The following UCHL5 variants were observed in gnomAD, a reference collection of about 807,000 sequenced individuals.
The protein encoded by UCHL5 is ubiquitin carboxyl-terminal hydrolase isozyme L5.
A neutral mutation model predicts 53.8 loss-of-function variants in UCHL5; 34 were observed. The ratio of observed to expected loss-of-function variants is 0.63; its 90% confidence interval spans 0.48 to 0.84. The LOEUF (loss-of-function observed/expected upper bound fraction) is 0.84, where lower values mean the gene tolerates loss of function less well. UCHL5 is among the 40% of genes least tolerant of loss of function. The pLI, the probability that UCHL5 is intolerant of heterozygous loss-of-function variation, is 0.00. For missense variants in UCHL5, 290 were observed against 385.6 expected, an observed-to-expected ratio of 0.75 and a Z score of 2.08; for synonymous variants, 111 against 126.3, an observed-to-expected ratio of 0.88 and a Z score of 0.81.
At chr1:193,025,989 A>G (rs1315150223) in intron 7 of UCHL5, among the ~76,000 whole-genome samples, 4 of 151,930 alleles carry the variant, frequency 2.6e-5, no homozygotes, top group Non-Finnish European at 5.9e-5. Context: ...AAATAGACCC[A>G]CACCAATATG....
At chr1:193,035,983 C>T (rs1438552975) in intron 3 of UCHL5, among the ~76,000 whole-genome samples, 1 of 151,612 alleles carries the variant, frequency 6.6e-6, no homozygotes. Flanking sequence ...AATGCAAAAA[C>T]CTGTAATAGA....
chr1:193,056,119 T>A (rs1670554384), intron 1 of UCHL5, among the ~76,000 whole-genome samples: 1 of 152,204 alleles, frequency 6.6e-6, no homozygotes, highest in South Asian at 2.1e-4. Flanking sequence ...GTAATTTGTG[T>A]CTTTAAAGGA....
At chr1:193,052,057 T>C (rs546749246) in intron 1 of UCHL5, among the ~76,000 whole-genome samples, 1 of 152,120 alleles carries the variant, frequency 6.6e-6, no homozygotes, top group Non-Finnish European at 1.5e-5. Context: ...TCTATGACTG[T>C]TCCTTCTCTC....
intron 3 of UCHL5, among the ~76,000 whole-genome samples, chr1:193,033,043 T>C (rs949568723): frequency 2.6e-5 from 4 of 152,172 alleles, no homozygotes; most frequent in African/African-American, 7.2e-5. Context: ...ACCCAAAGGA[T>C]TTTAAATCAT....
chr1:193,016,536 A>G, intron 10 of UCHL5, 141 bp from the exon 11 acceptor site: 1 of 696,548 alleles, frequency 1.4e-6, no homozygotes, highest in South Asian at 2.6e-5. Flanking sequence ...ATTATGTTTT[A>G]TAACTTGAGA....
upstream of UCHL5, chr1:193,059,516 C>T (rs938614756): frequency 2.5e-6 from 4 of 1,585,124 alleles, no homozygotes; most frequent in Non-Finnish European, 3.4e-6. The surrounding 1 kb of genome is among the most constrained non-coding windows in gnomAD (Gnocchi z 4.9). Context: ...GGGCTGGGGC[C>T]TGAGAAGAAA....
At chr1:193,042,734 T>C (rs1421861346) in intron 3 of UCHL5, among the ~76,000 whole-genome samples, 2 of 152,192 alleles carry the variant, frequency 1.3e-5, no homozygotes, top group Admixed American at 6.5e-5. Context: ...AATCTGTTCA[T>C]GACACTCTTC....
intron 3 of UCHL5, among the ~76,000 whole-genome samples, chr1:193,033,696 T>A (rs183324900): frequency 9.0e-4 from 137 of 152,130 alleles, no homozygotes; most frequent in African/African-American, 3.1e-3. Context: ...GTCCTGCTCA[T>A]GAAGACTCTA....
intron 7 of UCHL5, among the ~76,000 whole-genome samples, chr1:193,027,256 T>C (rs1384481117): frequency 6.6e-6 from 1 of 152,220 alleles, no homozygotes; most frequent in East Asian, 1.9e-4. Flanking sequence ...GATGTCTCTG[T>C]ATTATTTCTT....
At chr1:193,034,843 A>G (rs1662783567) in intron 3 of UCHL5, among the ~76,000 whole-genome samples, 1 of 152,118 alleles carries the variant, frequency 6.6e-6, no homozygotes, top group South Asian at 2.1e-4. Context: ...AAGAAAATAC[A>G]GAAGATCATC....
At chr1:193,040,115 G>A (rs1434459772) in intron 3 of UCHL5, among the ~76,000 whole-genome samples, 2 of 152,100 alleles carry the variant, frequency 1.3e-5, no homozygotes, top group South Asian at 2.1e-4. Flanking sequence ...ACCTCAAAAA[G>A]CACAGACAAC....
chr1:193,055,327 C>T (rs974056584), intron 1 of UCHL5, among the ~76,000 whole-genome samples: 1 of 152,170 alleles, frequency 6.6e-6, no homozygotes, highest in Non-Finnish European at 1.5e-5. Flanking sequence ...GGTTGGCTAG[C>T]AGCCCCCCTT....
At position 193,016,412 on chromosome 1, in the gene UCHL5, G is replaced by C. The variant is rs369339165; in HGVS notation, c.943-17C>G. 1 of 1,599,426 alleles carries C rather than the reference G, an allele frequency of 6.3e-7. No individual in the cohort carries two copies. Among genetic ancestry groups the C allele is most frequent in the South Asian group, 1.1e-5 (1 of 88,774 alleles). On this transcript the variant is annotated splice_polypyrimidine_tract_variant and intron_variant, in intron 10 of 10. Coordinates refer to ENST00000367454, the MANE Select transcript of UCHL5 (RefSeq NM_001199261.3). ...TTCTTTTGCCTAAAAATTAAAAATA[G>C]TATGTTACAAAATTTTAAAAGTCAG...
Position 193,014,936 on chromosome 1 carries a change from G to C in UCHL5, c.*1415C>G, listed in dbSNP as rs187685081. The C allele has an allele frequency of 3.9e-5, 6 of 152,160 alleles. No homozygotes were observed. The highest frequency in any genetic ancestry group is 2.6e-4 in the Admixed American group (4 of 15,262). 9.4% of individuals were successfully genotyped at this position (152,160 alleles called of 1,614,324 possible). On this transcript the variant is annotated 3_prime_UTR_variant, in exon 11 of 11. Transcript: ENST00000367454. The stretch of plus-strand genomic sequence containing the variant: ...AAATTAAGCTGAAATAAACGAATGA[G>C]ATCAAGATGAGCCTTCCTTAAAAAT...
intron 10 of UCHL5, chr1:193,018,700 C>T (rs1233646513): frequency 2.4e-5 from 33 of 1,348,918 alleles, no homozygotes; most frequent in African/African-American, 4.5e-5. Flanking sequence ...ACTGCCTCAG[C>T]TATTCAAAAA....
chr1:193,032,938 A>G (rs1251670076), intron 3 of UCHL5, among the ~76,000 whole-genome samples: 2 of 152,242 alleles, frequency 1.3e-5, no homozygotes, highest in African/African-American at 4.8e-5. Context: ...GGGAGTGTAA[A>G]TTTGTTCAAC....
intron 9 of UCHL5, among the ~76,000 whole-genome samples, chr1:193,022,637 G>A (rs1311266892): frequency 7.0e-6 from 1 of 143,558 alleles, no homozygotes; most frequent in African/African-American, 2.6e-5. Flanking sequence ...CTGCACTCCA[G>A]CCTTGGCGAC....
chr1:193,035,134 C>T (rs1281960239), intron 3 of UCHL5, among the ~76,000 whole-genome samples: 1 of 151,414 alleles, frequency 6.6e-6, no homozygotes, highest in Non-Finnish European at 1.5e-5. Flanking sequence ...AAAACACACC[C>T]ACTCAAGAAA....
Position 193,012,847 on chromosome 1 carries a change from T to C in UCHL5, c.*3504A>G, listed in dbSNP as rs1379293042. On this transcript the variant is annotated 3_prime_UTR_variant, in exon 11 of 11. Transcript: ENST00000367454. Reference sequence around the variant, plus strand: ...GATGTACCTCATAAGATTGGCTGAATAAATCACTGAATAGTTTTCAAAAAG... The same window carrying C: ...GATGTACCTCATAAGATTGGCTGAACAAATCACTGAATAGTTTTCAAAAAG... 1 of 152,220 alleles carries C rather than the reference T, an allele frequency of 6.6e-6. No individual in the cohort carries two copies. The highest frequency in any genetic ancestry group is 1.5e-5 in the Non-Finnish European group (1 of 68,040). 9.4% of individuals were successfully genotyped at this position (152,220 alleles called of 1,614,324 possible).
Sources: allele counts gnomAD v4.1 joint callset (sites outside exome capture counted in the v4.1 genomes callset), GRCh38; gene constraint gnomAD v4.1.1; non-coding constraint Gnocchi (gnomAD v3.1); transcripts MANE v1.5; gene names NCBI Gene and HGNC (gene_info 2026-07-23, HGNC 2026-07-21).